Variants in ZBTB8A observed in about 807,000 individuals in gnomAD.
ZBTB8A encodes the protein zinc finger and BTB domain-containing protein 8A.
A neutral mutation model predicts 37.8 loss-of-function variants in ZBTB8A; 19 were observed. The ratio of observed to expected loss-of-function variants is 0.50; its 90% CI spans 0.35 to 0.74. The LOEUF is 0.74. Among genes scored for constraint, ZBTB8A ranks in the 30% least tolerant of loss-of-function variants. ZBTB8A has a pLI of 0.01. For synonymous variants in ZBTB8A, 181 were observed against 185.2 expected, an observed-to-expected ratio of 0.98 and a Z score of 0.19; for missense variants, 394 against 537.8, an observed-to-expected ratio of 0.73 and a Z score of 2.65.
At chr1:32,590,877 CA>C (rs1319309386) in intron 2 of ZBTB8A, among the ~76,000 whole-genome samples, 9 of 151,966 alleles carry the variant, frequency 5.9e-5, no homozygotes, top group African/African-American at 2.2e-4. Flanking sequence ...TAACTTCATA[CA>C]AGTCTTTGTT....
chr1:32,585,731 G>A (rs1644442742), intron 2 of ZBTB8A, among the ~76,000 whole-genome samples: 1 of 152,116 alleles, frequency 6.6e-6, no homozygotes, highest in African/African-American at 2.4e-5. Flanking sequence ...GCCAGCCCTG[G>A]TGGCTCAACA....
intron 2 of ZBTB8A, among the ~76,000 whole-genome samples, chr1:32,571,019 G>A (rs576038700): frequency 1.3e-5 from 2 of 152,082 alleles, no homozygotes; most frequent in East Asian, 3.9e-4. Context: ...GGGATTACAG[G>A]TGCCCACCAC....
At chr1:32,541,726 G>A (rs1295448740) in intron 1 of ZBTB8A, among the ~76,000 whole-genome samples, 1 of 152,150 alleles carries the variant, frequency 6.6e-6, no homozygotes, top group African/African-American at 2.4e-5. Context: ...TCACGTGGCA[G>A]AAGGAATGGA....
intron 2 of ZBTB8A, among the ~76,000 whole-genome samples, chr1:32,572,456 C>T (rs1045381026): frequency 8.0e-5 from 12 of 150,590 alleles, no homozygotes; most frequent in African/African-American, 1.7e-4. Context: ...AGTACAGTGG[C>T]GTGATCTCAC....
chr1:32,589,473 ACTC>A (rs1376592432), intron 2 of ZBTB8A, among the ~76,000 whole-genome samples: 1 of 151,632 alleles, frequency 6.6e-6, no homozygotes, highest in African/African-American at 2.4e-5. Flanking sequence ...CTGGTCTAGA[ACTC>A]CTGACCTCAG....
In ZBTB8A at chr1:32,602,422, G is replaced by A. The variant is rs1644583749; in HGVS notation, c.*2003G>A. The A allele has an allele frequency of 6.6e-6, 1 of 151,798 alleles. No individual in the cohort carries two copies. Among genetic ancestry groups the A allele is most frequent in the South Asian group, 2.1e-4 (1 of 4,818 alleles). The allele number at this position is 151,798 out of a possible 1,614,324, so 9.4% of individuals were successfully genotyped here. On this transcript the variant is annotated 3_prime_UTR_variant, in exon 5 of 5. Coordinates refer to ENST00000373510, the MANE Select transcript of ZBTB8A (RefSeq NM_001040441.3). ...AGAGAAGCATTGTTTCAGTTCTAAA[G>A]GTAAAATCTAAATATCCGAAGTAAA... is the stretch of plus-strand genomic sequence containing the variant.
chr1:32,552,594 A>G (rs2148217990), intron 1 of ZBTB8A, among the ~76,000 whole-genome samples: 1 of 152,122 alleles, frequency 6.6e-6, no homozygotes, highest in Non-Finnish European at 1.5e-5. Flanking sequence ...CAAACCAGGG[A>G]GGCGGAGGTT....
chr1:32,595,135 G>C lies in ZBTB8A; in HGVS notation c.905G>C (p.Arg302Pro). Residue 302 changes from arginine to proline, a missense_variant, in exon 4 of 5, where the codon CGT (arginine) becomes CCT (proline). Transcript: ENST00000373510. ...AAGGCAGACCTAAAGCGCCACCTTC[G>C]TTGTCATACAGGAGAAAGGCCCTAT... ...KRKADLKRHL[R>P]CHTGERPYPC... is the part of the protein sequence containing the mutation. 6.2e-7 allele frequency: 1 copy of C among 1,614,212 alleles called. No homozygotes were observed. The highest frequency in any genetic ancestry group is 8.5e-7 in the Non-Finnish European group (1 of 1,180,040).
intron 2 of ZBTB8A, among the ~76,000 whole-genome samples, chr1:32,591,272 A>G (rs1644485939): frequency 6.6e-6 from 1 of 151,630 alleles, no homozygotes; most frequent in African/African-American, 2.4e-5. Flanking sequence ...AGTGAGTGGC[A>G]TGATCATGGC....
intron 2 of ZBTB8A, among the ~76,000 whole-genome samples, chr1:32,584,237 G>A (rs1644428813): frequency 6.6e-6 from 1 of 152,070 alleles, no homozygotes; most frequent in Non-Finnish European, 1.5e-5. Context: ...AAAAACCATG[G>A]TCCTGTTTGC....
At chr1:32,543,880 G>A (rs1644079522) in intron 1 of ZBTB8A, among the ~76,000 whole-genome samples, 1 of 152,052 alleles carries the variant, frequency 6.6e-6, no homozygotes, top group Admixed American at 6.6e-5. Context: ...GTTTCACCGT[G>A]TTCGCCAGGA....
chr1:32,567,036 C>G (rs1034157211), intron 2 of ZBTB8A, among the ~76,000 whole-genome samples: 1 of 152,106 alleles, frequency 6.6e-6, no homozygotes, highest in Non-Finnish European at 1.5e-5. Flanking sequence ...TCTCGCATTG[C>G]TATAAAGAAC....
chr1:32,567,252 G>C (rs907315249), intron 2 of ZBTB8A, among the ~76,000 whole-genome samples: 1 of 152,032 alleles, frequency 6.6e-6, no homozygotes, highest in Non-Finnish European at 1.5e-5. Flanking sequence ...ACCAGATCTC[G>C]TAAGAACTCA....
intron 2 of ZBTB8A, among the ~76,000 whole-genome samples, chr1:32,569,865 C>T (rs547696011): frequency 6.6e-6 from 1 of 151,930 alleles, no homozygotes; most frequent in South Asian, 2.1e-4. Context: ...TCAAGCAATC[C>T]GTCCACCTCA....
At chr1:32,543,021 C>T (rs1423782613) in intron 1 of ZBTB8A, among the ~76,000 whole-genome samples, 2 of 152,084 alleles carry the variant, frequency 1.3e-5, no homozygotes, top group Non-Finnish European at 2.9e-5. Flanking sequence ...TGTTAAAATC[C>T]TTTCAATGTG....
intron 2 of ZBTB8A, among the ~76,000 whole-genome samples, chr1:32,558,538 T>C (rs969865674): frequency 2.6e-5 from 4 of 151,814 alleles, no homozygotes; most frequent in Non-Finnish European, 4.4e-5. Flanking sequence ...GTAGACCACA[T>C]TGAAAAGAAA....
At position 32,601,720 on chromosome 1, in the gene ZBTB8A, G is replaced by A. The variant is rs1028363937; in HGVS notation, c.*1301G>A. On this transcript the variant is annotated 3_prime_UTR_variant, in exon 5 of 5. Coordinates refer to ENST00000373510, the MANE Select transcript of ZBTB8A (RefSeq NM_001040441.3). ...CTCTCCCTGTATGTCTCCTGAAATG[G>A]CAAAGAATAGAAGTCAAACCTCACC... 2 of 398,214 alleles carry A rather than the reference G, an allele frequency of 5.0e-6. No homozygotes were observed. The highest frequency in any genetic ancestry group is 4.4e-5 in the Admixed American group (1 of 22,676). 24.7% of individuals were successfully genotyped at this position (398,214 alleles called of 1,614,324 possible).
At chr1:32,552,899 A>G (rs1158491123) in intron 1 of ZBTB8A, among the ~76,000 whole-genome samples, 1 of 146,216 alleles carries the variant, frequency 6.8e-6, no homozygotes, top group African/African-American at 2.5e-5. Context: ...TTTATATTGT[A>G]TATTATATTT....
intron 1 of ZBTB8A, among the ~76,000 whole-genome samples, chr1:32,550,357 TAATCCCAACACTTTGGG>T (rs1202632495): frequency 6.6e-6 from 1 of 152,168 alleles, no homozygotes; most frequent in Non-Finnish European, 1.5e-5. Context: ...CTCACACCTG[TAATCCCAACACTTTGGG>T]AGGCCAAGGT....
Sources: gnomAD v4.1 joint callset for allele counts (sites outside exome capture counted in the v4.1 genomes callset) on GRCh38, gnomAD v4.1.1 for gene constraint, MANE v1.5 for transcripts, NCBI Gene and HGNC (gene_info 2026-07-23, HGNC 2026-07-21) for gene names.